RPS6KC1: variants seen among roughly 807,000 people sequenced by gnomAD.
RPS6KC1 encodes ribosomal protein S6 kinase C1.
Under a neutral mutation model 103.8 loss-of-function variants are expected in RPS6KC1, and 54 were observed. That is an observed-to-expected ratio of 0.52 (90% CI 0.42 to 0.65). The LOEUF (loss-of-function observed/expected upper bound fraction) is 0.65, where lower values mean the gene tolerates loss of function less well. Ranked by LOEUF, RPS6KC1 falls within the 30% of genes least tolerant of loss-of-function variation. The pLI, the probability that RPS6KC1 is intolerant of heterozygous loss-of-function variation, is 0.00. For synonymous variants in RPS6KC1, 439 were observed against 438.7 expected, an observed-to-expected ratio of 1.00 and a Z score of -0.01; for missense variants, 1,151 against 1,253.8, an observed-to-expected ratio of 0.92 and a Z score of 1.24.
intron 7 of RPS6KC1, 151 bp from the exon 8 acceptor site, chr1:213,176,249 A>G (rs6664061): frequency 0.017 from 7,466 of 427,710 alleles, 360 homozygotes; most frequent in African/African-American, 0.12. Context: ...AAAATTTTAT[A>G]TTACAGACAA....
At chr1:213,393,690 C>CT in the RPS6KC1 span, among the ~76,000 whole-genome samples, 736 of 152,278 alleles carry the variant, frequency 4.8e-3, 3 homozygotes, top group Middle Eastern at 0.014. Context: ...CCTTGCTAGC[C>CT]TTTTCCCTAA....
chr1:213,055,040 C>G (rs1403310458), intron 1 of RPS6KC1, among the ~76,000 whole-genome samples: 1 of 152,132 alleles, frequency 6.6e-6, no homozygotes, highest in Non-Finnish European at 1.5e-5. Flanking sequence ...TGTTTTTATT[C>G]TCAAAAGACA....
At chr1:213,787,004 G>C in the RPS6KC1 span, among the ~76,000 whole-genome samples, 1 of 152,194 alleles carries the variant, frequency 6.6e-6, no homozygotes, top group African/African-American at 2.4e-5. Flanking sequence ...AGGGAGATTT[G>C]ATGGGGAGAC....
the RPS6KC1 span, among the ~76,000 whole-genome samples, chr1:213,693,092 C>A: frequency 0.022 from 3,315 of 152,302 alleles, 74 homozygotes; most frequent in Non-Finnish European, 0.033. Flanking sequence ...GCATTCAAGC[C>A]TAGACTATAT....
chr1:213,218,051 G>A (rs1013198926), intron 8 of RPS6KC1, among the ~76,000 whole-genome samples: 8 of 152,106 alleles, frequency 5.3e-5, no homozygotes, highest in African/African-American at 1.9e-4. Flanking sequence ...AGGCAATAAA[G>A]GGTATTCAAT....
At chr1:213,662,096 G>A in the RPS6KC1 span, among the ~76,000 whole-genome samples, 8 of 152,030 alleles carry the variant, frequency 5.3e-5, no homozygotes, top group South Asian at 1.7e-3. Flanking sequence ...GTCTTTCCCG[G>A]AACTTCTTTT....
At chr1:213,477,962 A>G in the RPS6KC1 span, among the ~76,000 whole-genome samples, 1 of 152,206 alleles carries the variant, frequency 6.6e-6, no homozygotes, top group Admixed American at 6.5e-5. Flanking sequence ...TATAACATGT[A>G]TCCATCGTTA....
chr1:213,113,188 A>G (rs2148851981), intron 4 of RPS6KC1, among the ~76,000 whole-genome samples: 1 of 151,730 alleles, frequency 6.6e-6, no homozygotes, highest in East Asian at 1.9e-4. Flanking sequence ...AACAGTGTAA[A>G]AGTGTTCCTA....
chr1:213,616,134 C>T, the RPS6KC1 span, among the ~76,000 whole-genome samples: 14 of 152,144 alleles, frequency 9.2e-5, no homozygotes, highest in Non-Finnish European at 2.1e-4. Flanking sequence ...AGGCATGGCC[C>T]CAGCTTCTAA....
the RPS6KC1 span, among the ~76,000 whole-genome samples, chr1:213,797,770 G>A: frequency 6.6e-6 from 1 of 152,206 alleles, no homozygotes; most frequent in Non-Finnish European, 1.5e-5. Context: ...CTTCTGCCAT[G>A]AGCATGGTAT....
the RPS6KC1 span, among the ~76,000 whole-genome samples, chr1:213,337,547 T>C: frequency 2.6e-5 from 4 of 152,090 alleles, no homozygotes; most frequent in Admixed American, 2.6e-4. Context: ...ATGGGTGAGG[T>C]TGACTGATTT....
At chr1:213,445,974 G>A in the RPS6KC1 span, among the ~76,000 whole-genome samples, 1 of 152,186 alleles carries the variant, frequency 6.6e-6, no homozygotes, top group Admixed American at 6.5e-5. Flanking sequence ...CCCTTGGTGG[G>A]CACAGGGTGA....
the RPS6KC1 span, among the ~76,000 whole-genome samples, chr1:213,499,033 G>C: frequency 3.9e-5 from 6 of 151,900 alleles, no homozygotes; most frequent in African/African-American, 1.5e-4. Flanking sequence ...ACCTGTCTCA[G>C]CCTCCCAAAG....
the RPS6KC1 span, among the ~76,000 whole-genome samples, chr1:213,581,043 G>A: frequency 6.6e-5 from 10 of 152,024 alleles, 1 homozygote; most frequent in Non-Finnish European, 1.5e-4. Flanking sequence ...TTTTGTAAAT[G>A]TTGGTACCAA....
chr1:213,366,014 C>T, the RPS6KC1 span, among the ~76,000 whole-genome samples: 4 of 152,312 alleles, frequency 2.6e-5, no homozygotes, highest in East Asian at 7.7e-4. Flanking sequence ...AATTAACTTG[C>T]AGTTTGCCCC....
At chr1:213,084,185 C>T (rs557776539) in intron 3 of RPS6KC1, among the ~76,000 whole-genome samples, 1 of 152,164 alleles carries the variant, frequency 6.6e-6, no homozygotes, top group African/African-American at 2.4e-5. Context: ...CTCCCTCTTC[C>T]CCTTTCTCCC....
chr1:213,249,470 C>T (rs1327424025), intron 12 of RPS6KC1, among the ~76,000 whole-genome samples: 3 of 152,184 alleles, frequency 2.0e-5, no homozygotes, highest in Non-Finnish European at 4.4e-5. Context: ...ATTTCTGAAG[C>T]TCCTTTAATA....
At chr1:213,573,859 A>C in the RPS6KC1 span, among the ~76,000 whole-genome samples, 1 of 152,208 alleles carries the variant, frequency 6.6e-6, no homozygotes. Flanking sequence ...GCTTGCAATA[A>C]AAGCCTTCAT....
chr1:213,532,578 C>G, the RPS6KC1 span, among the ~76,000 whole-genome samples: 1 of 152,348 alleles, frequency 6.6e-6, no homozygotes, highest in East Asian at 1.9e-4. Context: ...CCGTTCTCCA[C>G]TGCACCCCAG....
Sources: gnomAD v4.1 joint callset for allele counts (sites outside exome capture counted in the v4.1 genomes callset) on GRCh38, gnomAD v4.1.1 for gene constraint, MANE v1.5 for transcripts, NCBI Gene and HGNC (gene_info 2026-07-23, HGNC 2026-07-21) for gene names.